SF3A2: variants seen among roughly 807,000 people sequenced by gnomAD.
SF3A2 encodes SAP 62.
SF3A2 carries 5 observed loss-of-function variants against 31.1 expected under a neutral mutation model. That is an observed-to-expected ratio of 0.16 (90% CI 0.08 to 0.34). SF3A2 has a LOEUF of 0.34. SF3A2 is among the 10% of genes least tolerant of loss of function. The probability of loss-of-function intolerance (pLI) is 1.00; values close to 1 mark genes in which losing one functional copy is unlikely to be tolerated. For synonymous variants in SF3A2, 365 were observed against 263.7 expected (o/e 1.38, Z -3.72); for missense variants, 577 against 643.9 (o/e 0.90, Z 1.13).
In SF3A2 at chr19:2,248,576, C is replaced by T. The variant is rs773088942; in HGVS notation, c.*30C>T. On this transcript the variant is annotated 3_prime_UTR_variant, in exon 9 of 9. Coordinates refer to ENST00000221494, the MANE Select transcript of SF3A2 (RefSeq NM_007165.5). ...CTGCTCCCTCCCCCAGCAAGCCCAG[C>T]GCCAGGTGCTCTTGCCTTTTCCCAC... is the stretch of plus-strand genomic sequence containing the variant. 40 of 698,844 alleles carry T rather than the reference C, an allele frequency of 5.7e-5. No homozygotes were observed. The East Asian group carries it at 1.0e-3, about 18-fold the overall frequency. The allele number at this position is 698,844 out of a possible 1,614,324, so 43.3% of individuals were successfully genotyped here.
intron 1 of SF3A2, chr19:2,237,228 G>C (rs1301761184): frequency 6.6e-6 from 1 of 150,714 alleles, no homozygotes; most frequent in African/African-American, 2.4e-5. Flanking sequence ...GACCAGCCTG[G>C]ACAACACACC....
chr19:2,244,909 A>T (rs960138422), intron 4 of SF3A2, 130 bp downstream of exon 4: 2 of 785,356 alleles, frequency 2.5e-6, no homozygotes, highest in Non-Finnish European at 4.2e-6. Context: ...GCGCTTGAGT[A>T]CGGTTCCTGG....
intron 1 of SF3A2, among the ~76,000 whole-genome samples, chr19:2,239,087 G>A (rs557620686): frequency 8.5e-5 from 13 of 152,332 alleles, no homozygotes; most frequent in South Asian, 2.1e-4. Flanking sequence ...TTTGTAGGCC[G>A]GGCGTGGTGG....
intron 1 of SF3A2, among the ~76,000 whole-genome samples, chr19:2,238,968 T>C (rs2024864905): frequency 6.6e-6 from 1 of 152,174 alleles, no homozygotes; most frequent in East Asian, 1.9e-4. Context: ...AAGAAACAGA[T>C]GATTTTTTTC....
At chr19:2,242,505 C>T (rs144852652) in intron 1 of SF3A2, among the ~76,000 whole-genome samples, 2 of 152,200 alleles carry the variant, frequency 1.3e-5, no homozygotes, top group Non-Finnish European at 2.9e-5. Context: ...TTTTAAGATC[C>T]TCAAGCCCAC....
intron 1 of SF3A2, among the ~76,000 whole-genome samples, chr19:2,238,440 C>G (rs894188357): frequency 3.3e-5 from 5 of 152,284 alleles, no homozygotes; most frequent in African/African-American, 9.6e-5. Context: ...ACATCATCTG[C>G]TGATTTCTTG....
At chr19:2,241,110 G>A (rs2024885015) in intron 1 of SF3A2, among the ~76,000 whole-genome samples, 2 of 152,204 alleles carry the variant, frequency 1.3e-5, no homozygotes, top group Admixed American at 6.5e-5. Flanking sequence ...GAGAGGCCAC[G>A]ACAGGGACAA....
Position 2,246,262 on chromosome 19 carries a change from CGT to C in SF3A2, c.356-488_356-487del, listed in dbSNP as rs536769315. 7.6e-3 allele frequency among the ~76,000 whole-genome samples: 1,153 copies of C among 151,942 alleles called. 11 individuals carry two copies. The highest frequency in any genetic ancestry group is 0.011 in the Non-Finnish European group (719 of 67,920). ...AGGCGGCAGAGGGCTTGTGAGTGTGCGTGTCTGAGGCCGCATGGAGAGTGGCC... is the reference window on the plus strand; with the variant it reads ...AGGCGGCAGAGGGCTTGTGAGTGTGCGTCTGAGGCCGCATGGAGAGTGGCC... On this transcript the variant is annotated intron_variant, in intron 5 of 8. Coordinates refer to ENST00000221494, the MANE Select transcript of SF3A2 (RefSeq NM_007165.5). The surrounding 1 kb of genome is among the most constrained non-coding windows in gnomAD (Gnocchi z 5.5).
rs992845307 is a variant in SF3A2, at chr19:2,245,726, C to T, written c.355+171C>T. On this transcript the variant is annotated intron_variant, in intron 5 of 8. Transcript: ENST00000221494. This position sits in a 1 kb window ranked among gnomAD's most constrained non-coding sequence, Gnocchi z 4.2. ...CAGCCTCTGGCGTTGTGTCTGGGAG[C>T]TGTCAGGCTGGGCCCGATAAGCACC... The T allele has an allele frequency of 3.2e-6, 2 of 618,268 alleles. No individual in the cohort carries two copies. Among genetic ancestry groups the T allele is most frequent in the African/African-American group, 3.7e-5 (2 of 54,532 alleles). 38.3% of individuals were successfully genotyped at this position (618,268 alleles called of 1,614,324 possible). A position where few individuals can be genotyped will look rare whatever the true frequency, so the allele number is the denominator to read the frequency against.
At position 2,243,454 on chromosome 19, in the gene SF3A2, G is replaced by A. The variant is rs2024907465; in HGVS notation, c.36G>A (p.Gly12=). Residue 12 remains glycine, a synonymous_variant, in exon 2 of 9, where the codon GGG becomes GGA. Transcript: ENST00000221494. ...DFQHRPGGKT[G]SGGVASSSES... ...AGCATCGCCCCGGGGGCAAGACCGG[G>A]AGCGGGGGCGTGGCCTCCTCCTCCG... 1 of 1,554,278 alleles carries A rather than the reference G, an allele frequency of 6.4e-7. No homozygotes were observed. The highest frequency in any genetic ancestry group is 8.6e-7 in the Non-Finnish European group (1 of 1,156,878).
intron 2 of SF3A2, 47 bp from the exon 3 acceptor site, chr19:2,244,497 G>A (rs1320256735): frequency 4.0e-6 from 6 of 1,506,054 alleles, no homozygotes; most frequent in Non-Finnish European, 5.5e-6. Context: ...CTTGACGGCA[G>A]CAGGCCGCGA....
intron 1 of SF3A2, among the ~76,000 whole-genome samples, chr19:2,238,776 C>T (rs889183481): frequency 1.3e-5 from 2 of 152,190 alleles, no homozygotes; most frequent in South Asian, 2.1e-4. Flanking sequence ...GATCTCCCCT[C>T]ACCACTTCCC....
At chr19:2,242,322 C>A (rs1599651947) in intron 1 of SF3A2, among the ~76,000 whole-genome samples, 1 of 152,246 alleles carries the variant, frequency 6.6e-6, no homozygotes, top group African/African-American at 2.4e-5. Context: ...CCACAGGGCT[C>A]CATTCCTTCT....
chr19:2,243,914 C>T (rs934914165), intron 2 of SF3A2, among the ~76,000 whole-genome samples: 1 of 152,194 alleles, frequency 6.6e-6, no homozygotes, highest in Non-Finnish European at 1.5e-5. Flanking sequence ...CCGTGGACAT[C>T]GGGGCTGGAG....
intron 7 of SF3A2, 88 bp from the exon 8 acceptor site, chr19:2,247,506 T>C: frequency 7.4e-7 from 1 of 1,356,650 alleles, no homozygotes; most frequent in South Asian, 1.2e-5. Context: ...GAGTCCGGGC[T>C]GGGGAGGCTA....
chr19:2,238,504 CAT>C (rs1455990211), intron 1 of SF3A2, among the ~76,000 whole-genome samples: 2 of 152,240 alleles, frequency 1.3e-5, no homozygotes, highest in Non-Finnish European at 2.9e-5. Flanking sequence ...CTTCACCTTC[CAT>C]ATCCTGAATG....
chr19:2,242,251 G>A (rs2024897296), intron 1 of SF3A2, among the ~76,000 whole-genome samples: 1 of 152,262 alleles, frequency 6.6e-6, no homozygotes. Context: ...CACTGCAGAC[G>A]CAGTAGTTCA....
rs2024921706 is a variant in SF3A2 at position 2,245,202 on chromosome 19, A to AG, written c.246-243dup. The AG allele has an allele frequency of 2.0e-6, 1 of 500,568 alleles. No homozygotes were observed. The highest frequency in any genetic ancestry group is 3.4e-5 in the South Asian group (1 of 29,624). 31.0% of individuals were successfully genotyped at this position (500,568 alleles called of 1,614,324 possible). ...CTTGTCTTATTAAAAAAAAAAAAAA[A>AG]GAGCAGAGGCATGGAGTTGTTGGAA... On this transcript the variant is annotated intron_variant, in intron 4 of 8. Coordinates refer to ENST00000221494, the MANE Select transcript of SF3A2 (RefSeq NM_007165.5). This position sits in a 1 kb window ranked among gnomAD's most constrained non-coding sequence, Gnocchi z 4.2.
At position 2,243,465 on chromosome 19, in the gene SF3A2, T is replaced by TGGCCTC; in HGVS notation, c.48_53dup (p.Ala17_Ser18dup). The TGGCCTC allele has an allele frequency of 6.4e-7, 1 of 1,556,026 alleles. No individual in the cohort carries two copies. The highest frequency in any genetic ancestry group is 8.6e-7 in the Non-Finnish European group (1 of 1,157,756). ...GGGGGCAAGACCGGGAGCGGGGGCG[T>TGGCCTC]GGCCTCCTCCTCCGAGAGCAACCGT... is the stretch of plus-strand genomic sequence containing the variant. On this transcript the variant is annotated inframe_insertion, in exon 2 of 9. Transcript: ENST00000221494.
Sources: gnomAD v4.1 joint callset for allele counts (sites outside exome capture counted in the v4.1 genomes callset) on GRCh38, gnomAD v4.1.1 for gene constraint, Gnocchi (gnomAD v3.1) non-coding constraint, MANE v1.5 for transcripts, NCBI Gene and HGNC (gene_info 2026-07-23, HGNC 2026-07-21) for gene names.